Variants in AFF3 observed in about 807,000 individuals in gnomAD.
AFF3 encodes the protein AF4/FMR2 family member 3.
Under a neutral mutation model 129.7 loss-of-function variants are expected in AFF3, and 32 were observed. The observed-to-expected ratio is 0.25, with a 90% CI of 0.19 to 0.33. The LOEUF (loss-of-function observed/expected upper bound fraction) is 0.33. Ranked by LOEUF, AFF3 falls within the 10% of genes least tolerant of loss-of-function variation. The pLI is 1.00. For synonymous variants in AFF3, 644 were observed against 635.4 expected (o/e 1.01, Z -0.20); for missense variants, 1,373 against 1,592.0 (o/e 0.86, Z 2.34).
At chr2:99,584,970 T>C (rs758524220) in intron 16 of AFF3, among the ~76,000 whole-genome samples, 16 of 152,194 alleles carry the variant, frequency 1.1e-4, no homozygotes, top group Non-Finnish European at 1.8e-4. Flanking sequence ...GTTATGCAAA[T>C]GGATACATGT....
intron 14 of AFF3, among the ~76,000 whole-genome samples, chr2:99,600,639 G>A (rs1039430946): frequency 3.9e-5 from 6 of 152,080 alleles, no homozygotes; most frequent in African/African-American, 1.2e-4. Context: ...AAATGTTTAC[G>A]CACTCAAGAA....
At chr2:99,852,097 G>A (rs959875253) in intron 7 of AFF3, among the ~76,000 whole-genome samples, 31 of 152,168 alleles carry the variant, frequency 2.0e-4, no homozygotes, top group Middle Eastern at 3.4e-3. Flanking sequence ...GCACCCCAGC[G>A]GTCCTCATTT....
rs530621756 is a variant in AFF3 at position 99,617,757 on chromosome 2, A to G, written c.1185-16136T>C. On this transcript the variant is annotated intron_variant, in intron 13 of 24. Coordinates refer to ENST00000672756, the MANE Select transcript of AFF3 (RefSeq NM_001386135.1). ...TATATAGGATTCTTTAACTGTTTTC[A>G]AGGCATTTTCTTTTCAAGTCCCACC... Among the ~76,000 whole-genome samples, 6 of 152,308 alleles carry G rather than the reference A, an allele frequency of 3.9e-5. No individual in the cohort carries two copies. The South Asian group carries it at 1.2e-3, about 32-fold the overall frequency.
At chr2:100,067,784 A>T (rs570773351) in intron 4 of AFF3, among the ~76,000 whole-genome samples, 5 of 152,142 alleles carry the variant, frequency 3.3e-5, no homozygotes, top group Non-Finnish European at 7.4e-5. Flanking sequence ...AAATTAAAAG[A>T]CTTGTCTAAG....
intron 13 of AFF3, among the ~76,000 whole-genome samples, chr2:99,639,833 G>A (rs12712052): frequency 0.49 from 74,024 of 151,408 alleles, 18,257 homozygotes; most frequent in East Asian, 0.66. Flanking sequence ...GATTACAAGG[G>A]TGTGCCACCG....
intron 11 of AFF3, among the ~76,000 whole-genome samples, chr2:99,691,688 C>T (rs1276552548): frequency 1.3e-5 from 2 of 152,160 alleles, no homozygotes; most frequent in East Asian, 3.9e-4. Flanking sequence ...ACTTATCCTT[C>T]CTGTGGGGAT....
rs72966466 is a variant in AFF3, at chr2:100,056,270, A to G, written c.54-47338T>C. On this transcript the variant is annotated intron_variant, in intron 4 of 24. Coordinates refer to ENST00000672756, the MANE Select transcript of AFF3 (RefSeq NM_001386135.1). ...GTATCAGACGAATGATCCCATCTAA[A>G]CAAGAAAAAGACTTGTTCTTAGAGG... Among the ~76,000 whole-genome samples, 1,459 of 152,230 alleles carry G rather than the reference A, an allele frequency of 9.6e-3. 20 individuals carry two copies. Among genetic ancestry groups the G allele is most frequent in the African/African-American group, 0.032 (1,333 of 41,556 alleles).
chr2:99,939,707 A>G (rs1674852743), intron 7 of AFF3, among the ~76,000 whole-genome samples: 2 of 152,210 alleles, frequency 1.3e-5, no homozygotes, highest in South Asian at 2.1e-4. Context: ...CGATTTCCAA[A>G]ACGAAGCTTC....
intron 7 of AFF3, among the ~76,000 whole-genome samples, chr2:99,998,041 A>T (rs1681018097): frequency 6.6e-6 from 1 of 152,088 alleles, no homozygotes; most frequent in South Asian, 2.1e-4. Context: ...TAAAAATCAA[A>T]ATTCTAACAG....
Position 100,007,263 on chromosome 2 carries a change from A to G in AFF3, c.372T>C (p.Ser124=). The change falls in exon 6 of 25, where the codon TCT becomes TCC. Residue 124 remains serine, a synonymous_variant. Transcript: ENST00000672756. The part of the protein sequence containing the change: ...ADSRAQNQPS[S]ICSTTTSTPA... ...GTGTGGAAGTTGTAGTGCTACAGAT[A>G]GACGAGGGCTGGTTCTGGGCTCTTG... The G allele has an allele frequency of 1.2e-6, 2 of 1,614,126 alleles. No homozygotes were observed.
intron 8 of AFF3, among the ~76,000 whole-genome samples, chr2:99,771,342 G>A (rs1489523822): frequency 2.0e-5 from 3 of 151,280 alleles, no homozygotes; most frequent in East Asian, 1.9e-4. Flanking sequence ...GCAAACCACC[G>A]AGGTACACGT....
intron 4 of AFF3, among the ~76,000 whole-genome samples, chr2:100,063,076 C>G (rs1687432015): frequency 6.6e-6 from 1 of 151,954 alleles, no homozygotes; most frequent in African/African-American, 2.4e-5. Context: ...CATGGTGAAA[C>G]CCCGTCTCTA....
At chr2:99,620,488 G>A (rs906521927) in intron 13 of AFF3, among the ~76,000 whole-genome samples, 1 of 152,052 alleles carries the variant, frequency 6.6e-6, no homozygotes, top group African/African-American at 2.4e-5. Context: ...AATTTGCCAG[G>A]GGTGGTGGTG....
At chr2:99,624,080 G>C (rs1413151744) in intron 13 of AFF3, among the ~76,000 whole-genome samples, 1 of 152,172 alleles carries the variant, frequency 6.6e-6, no homozygotes, top group Non-Finnish European at 1.5e-5. Context: ...GAGCCACCGG[G>C]TTGCTTCTAC....
At chr2:100,009,062 A>G (rs535425854) in intron 4 of AFF3, 130 bp from the exon 5 acceptor site, 116 of 1,276,428 alleles carry the variant, frequency 9.1e-5, no homozygotes, top group Non-Finnish European at 1.2e-4. Context: ...CATGGATGAG[A>G]CAAAAGCCAG....
intron 2 of AFF3, chr2:100,105,935 T>G: frequency 7.5e-7 from 1 of 1,329,030 alleles, no homozygotes; most frequent in Non-Finnish European, 1.0e-6. Flanking sequence ...TTCCTTTTTC[T>G]GGGCAAGAAC....
chr2:99,633,907 T>TC (rs1227315190), intron 13 of AFF3, among the ~76,000 whole-genome samples: 13 of 144,844 alleles, frequency 9.0e-5, no homozygotes, highest in Non-Finnish European at 1.7e-4. Flanking sequence ...TTTTCTTCCT[T>TC]CCTTTTTTTT....
intron 7 of AFF3, among the ~76,000 whole-genome samples, chr2:99,903,610 A>G (rs1694506505): frequency 6.6e-6 from 1 of 152,210 alleles, no homozygotes; most frequent in South Asian, 2.1e-4. Flanking sequence ...AGTTTAAGAT[A>G]AATAAAATCA....
Position 99,601,612 on chromosome 2 carries a change from G to C in AFF3, c.1194C>G (p.Val398=). The change falls in exon 14 of 25, where the codon GTC becomes GTG. Residue 398 remains valine, a synonymous_variant. Transcript: ENST00000672756. ...CCGAGGTTCTGCAGTTGGGCTGCTG[G>C]ACCACGGCGCTGCCAGCCCGCGAGG... ...ALRALSDSAV[V]QQPNCRTSVP... 1 of 1,594,796 alleles carries C rather than the reference G, an allele frequency of 6.3e-7. No individual in the cohort carries two copies. The highest frequency in any genetic ancestry group is 8.5e-7 in the Non-Finnish European group (1 of 1,175,914).
Sources: gnomAD v4.1 joint callset for allele counts (sites outside exome capture counted in the v4.1 genomes callset) on GRCh38, gnomAD v4.1.1 for gene constraint, MANE v1.5 for transcripts, NCBI Gene and HGNC (gene_info 2026-07-23, HGNC 2026-07-21) for gene names.